ADGRF3: variants seen among roughly 807,000 people sequenced by gnomAD.
ADGRF3 encodes adhesion G protein-coupled receptor F3.
ADGRF3 carries 85 observed loss-of-function variants against 93.2 expected under a neutral mutation model. That is an observed-to-expected ratio of 0.91 (90% CI 0.77 to 1.09). ADGRF3 has a LOEUF of 1.09. Ranked by LOEUF, ADGRF3 falls within the 50% of genes least tolerant of loss-of-function variation. ADGRF3 has a pLI of 0.00. For missense variants in ADGRF3, 1,125 were observed against 1,246.2 expected (o/e 0.90, Z 1.46); for synonymous variants, 534 against 532.5 (o/e 1.00, Z -0.04).
rs1428603138 is a variant in ADGRF3 at position 26,310,675 on chromosome 2, A to C, written c.2832+17T>G. 1.9e-6 allele frequency: 3 copies of C among 1,600,824 alleles called. No individual in the cohort carries two copies. Among genetic ancestry groups the C allele is most frequent in the African/African-American group, 2.7e-5 (2 of 74,532 alleles). On this transcript the variant is annotated intron_variant, in intron 10 of 13. Transcript: ENST00000651242. ...ATCTAAAAAAGCAAAAAACACAGCC[A>C]CCCCCCTATCACCTACCTGGAGGGT...
In ADGRF3 at chr2:26,308,479, T is replaced by C. The variant is rs546471122; in HGVS notation, c.*607A>G. 1.3e-5 allele frequency: 2 copies of C among 152,266 alleles called. No individual in the cohort carries two copies. Among genetic ancestry groups the C allele is most frequent in the African/African-American group, 4.8e-5 (2 of 41,572 alleles). 9.4% of individuals were successfully genotyped at this position (152,266 alleles called of 1,614,324 possible). On this transcript the variant is annotated 3_prime_UTR_variant, in exon 14 of 14. Transcript: ENST00000651242. ...ATTTTTATAACCTATTCTTACAACGTGCTCATATCAATCAATGCCTCTATA... is the reference window on the plus strand; with the variant it reads ...ATTTTTATAACCTATTCTTACAACGCGCTCATATCAATCAATGCCTCTATA...
chr2:26,346,256 C>T lies in ADGRF3; in HGVS notation c.-22G>A. ...TCATGGCTGGCTACGAATACGTGAG[C>T]CCGGAGCAGCTGGCTGGCTTTGATA... On this transcript the variant is annotated 5_prime_UTR_variant, in exon 1 of 14. Transcript: ENST00000651242. 6.2e-7 allele frequency: 1 copy of T among 1,613,594 alleles called. No homozygotes were observed. Among genetic ancestry groups the T allele is most frequent in the South Asian group, 1.1e-5 (1 of 91,072 alleles).
chr2:26,319,590 CCTTCCTTCCTTCCTTCCTTCCTTCCTTT>C (rs745878784), intron 1 of ADGRF3, among the ~76,000 whole-genome samples: 14,960 of 94,008 alleles, frequency 0.16, 1,972 homozygotes, highest in East Asian at 0.25. Flanking sequence ...TTCCTTCCTT[CCTTCCTTCCTTCCTTCCTTCCTTCCTTT>C]CTTTCTTTGT....
rs751303414 is a variant in ADGRF3 at position 26,313,517 on chromosome 2, C to G, written c.1129G>C (p.Ala377Pro). ...CATGGGGCCTGTGCCACGTGGCCAGCCTTGGTGACATTCCAGGTGAGCACC... is the reference window on the plus strand; with the variant it reads ...CATGGGGCCTGTGCCACGTGGCCAGGCTTGGTGACATTCCAGGTGAGCACC... ...ASVLTWNVTK[A>P]GHVAQAPCPE... The change falls in exon 8 of 14, where the codon GCT becomes CCT. Residue 377 changes from alanine to proline, a missense_variant. Transcript: ENST00000651242. 4 of 1,611,896 alleles carry G rather than the reference C, an allele frequency of 2.5e-6. No homozygotes were observed. Among genetic ancestry groups the G allele is most frequent in the East Asian group, 4.5e-5 (2 of 44,832 alleles).
intron 1 of ADGRF3, among the ~76,000 whole-genome samples, chr2:26,331,732 T>C (rs951992715): frequency 1.3e-5 from 2 of 151,620 alleles, no homozygotes; most frequent in South Asian, 2.1e-4. Context: ...ATCTTTAAAA[T>C]ACAAAAAACA....
At position 26,329,320 on chromosome 2, in the gene ADGRF3, A is replaced by G. The variant is rs533679071; in HGVS notation, c.115-11758T>C. 2.0e-5 allele frequency among the ~76,000 whole-genome samples: 3 copies of G among 152,226 alleles called. No homozygotes were observed. In the South Asian group the frequency reaches 6.2e-4, roughly 32 times the overall value. On this transcript the variant is annotated intron_variant, in intron 1 of 13. Coordinates refer to ENST00000651242, the MANE Select transcript of ADGRF3 (RefSeq NM_001321971.2). ...ATTTTTATTTTTATTTTTTGTAGAG[A>G]TGGGGTCTCACTATGTTGCCCAGGC...
At position 26,335,866 on chromosome 2, in the gene ADGRF3, A is replaced by G. The variant is rs1403268794; in HGVS notation, c.114+10255T>C. On this transcript the variant is annotated intron_variant, in intron 1 of 13. Coordinates refer to ENST00000651242, the MANE Select transcript of ADGRF3 (RefSeq NM_001321971.2). ...TGGAAGTATATTCTTTCAAAGTGGGATTACTAGGTTAATAAGTAGGAAGAG... is the reference window on the plus strand; with the variant it reads ...TGGAAGTATATTCTTTCAAAGTGGGGTTACTAGGTTAATAAGTAGGAAGAG... Among the ~76,000 whole-genome samples the G allele has an allele frequency of 3.9e-5, 6 of 152,210 alleles. No individual in the cohort carries two copies. In the South Asian group the frequency reaches 1.2e-3, roughly 32 times the overall value.
At position 26,311,173 on chromosome 2, in the gene ADGRF3, T is replaced by C. The variant is rs115282281; in HGVS notation, c.2351A>G (p.Tyr784Cys). The part of the protein sequence containing the change: ...LAAAFLCHFL[Y>C]LATFFWMLAQ... ...CAGCATCCAGAAAAAGGTGGCCAGG[T>C]AGAGGAAATGACAGAGGAAGGCGGC... is the stretch of plus-strand genomic sequence containing the variant. Residue 784 changes from tyrosine to cysteine, a missense_variant, in exon 10 of 14, where the codon TAC becomes TGC. Physicochemically the swap from Tyr to Cys is radical, Grantham distance 194 (BLOSUM62 -2). Coordinates refer to ENST00000651242, the MANE Select transcript of ADGRF3 (RefSeq NM_001321971.2). 19,793 of 1,596,552 alleles carry C rather than the reference T, an allele frequency of 0.012. 158 individuals are homozygous for C. The highest frequency in any genetic ancestry group is 0.014 in the Non-Finnish European group (16,703 of 1,172,054).
Position 26,311,554 on chromosome 2 carries a change from C to T in ADGRF3, c.1970G>A (p.Gly657Asp), listed in dbSNP as rs1380256901. The T allele has an allele frequency of 6.2e-7, 1 of 1,614,006 alleles. No homozygotes were observed. The highest frequency in any genetic ancestry group is 8.5e-7 in the Non-Finnish European group (1 of 1,179,900). ...CVFWDHSLFQ[G>D]RGGWSKEGCQ... is the part of the protein sequence containing the mutation. ...CCCTTCTTTGGACCAACCCCCCCTG[C>T]CCTGGAAGAGACTGTGATCCCAGAA... Residue 657 changes from glycine (G) to aspartate (D), a missense_variant, in exon 10 of 14, where the codon GGC becomes GAC. Coordinates refer to ENST00000651242, the MANE Select transcript of ADGRF3 (RefSeq NM_001321971.2).
At chr2:26,318,008 CA>C in intron 1 of ADGRF3, 1 of 1,546,032 alleles carries the variant, frequency 6.5e-7, no homozygotes, top group Non-Finnish European at 8.8e-7. Flanking sequence ...ATTATTTCCT[CA>C]CCAACTCCTC....
chr2:26,332,824 C>T lies in ADGRF3; in HGVS notation c.114+13297G>A, dbSNP rs116490902. 7.5e-3 allele frequency among the ~76,000 whole-genome samples: 1,136 copies of T among 152,048 alleles called. 5 individuals carry two copies. Among genetic ancestry groups the T allele is most frequent in the Non-Finnish European group, 0.013 (850 of 67,968 alleles). On this transcript the variant is annotated intron_variant, in intron 1 of 13. Coordinates refer to ENST00000651242, the MANE Select transcript of ADGRF3 (RefSeq NM_001321971.2). ...CAGAGACAGGGTCTCACTATGTTAC[C>T]CAGGCTGGTCTTGAACTCCTGGTCT...
At chr2:26,330,561 C>T (rs1192433239) in intron 1 of ADGRF3, among the ~76,000 whole-genome samples, 1 of 152,184 alleles carries the variant, frequency 6.6e-6, no homozygotes, top group Non-Finnish European at 1.5e-5. Flanking sequence ...AGTTCCCCTC[C>T]CTCAGAGTTC....
chr2:26,315,089 G>A (rs1488227404), intron 5 of ADGRF3, among the ~76,000 whole-genome samples: 7 of 152,290 alleles, frequency 4.6e-5, no homozygotes, highest in Non-Finnish European at 7.3e-5. Flanking sequence ...AATCTTGCCC[G>A]TGTCTGGGTT....
intron 1 of ADGRF3, among the ~76,000 whole-genome samples, chr2:26,336,050 G>C (rs189775972): frequency 6.6e-6 from 1 of 152,260 alleles, no homozygotes; most frequent in East Asian, 1.9e-4. Context: ...AAGGCACTTA[G>C]AGTCCAGTAA....
At chr2:26,332,522 A>G (rs1304474465) in intron 1 of ADGRF3, among the ~76,000 whole-genome samples, 7 of 152,176 alleles carry the variant, frequency 4.6e-5, no homozygotes, top group Non-Finnish European at 7.3e-5. Flanking sequence ...GGTAGGTCCC[A>G]TAAGCTCAGA....
intron 1 of ADGRF3, among the ~76,000 whole-genome samples, chr2:26,345,547 A>G (rs1219197286): frequency 2.0e-5 from 3 of 152,130 alleles, no homozygotes; most frequent in Non-Finnish European, 4.4e-5. Context: ...TGACCGCACA[A>G]AGACTCCCGT....
chr2:26,341,543 T>A (rs778706556), intron 1 of ADGRF3, among the ~76,000 whole-genome samples: 1 of 152,168 alleles, frequency 6.6e-6, no homozygotes, highest in African/African-American at 2.4e-5. Context: ...GATGACCCAC[T>A]CATACAGTTC....
At chr2:26,319,345 A>G (rs971260045) in intron 1 of ADGRF3, among the ~76,000 whole-genome samples, 1 of 152,206 alleles carries the variant, frequency 6.6e-6, no homozygotes, top group Non-Finnish European at 1.5e-5. Flanking sequence ...CAACATGTCT[A>G]TAAGCCAGGT....
rs754461295 is a variant in ADGRF3, at chr2:26,309,486, C to T, written c.2993+40G>A. The stretch of plus-strand genomic sequence containing the variant: ...GCCCTTTGCCACACCGTCCTCAATC[C>T]ACCCTGCTTACGCTGCCCCTGAGAA... On this transcript the variant is annotated intron_variant, in intron 13 of 13. Coordinates refer to ENST00000651242, the MANE Select transcript of ADGRF3 (RefSeq NM_001321971.2). 31 of 1,600,032 alleles carry T rather than the reference C, an allele frequency of 1.9e-5. No homozygotes were observed. In the Admixed American group the frequency reaches 2.4e-4, roughly 12 times the overall value.
Sources: allele counts gnomAD v4.1 joint callset (sites outside exome capture counted in the v4.1 genomes callset), GRCh38; gene constraint gnomAD v4.1.1; transcripts MANE v1.5; gene names NCBI Gene and HGNC (gene_info 2026-07-23, HGNC 2026-07-21).